Variants in MYO1E observed in about 807,000 individuals in gnomAD.
MYO1E encodes unconventional myosin-Ie.
A neutral mutation model predicts 151.1 loss-of-function variants in MYO1E; 68 were observed. The observed-to-expected ratio is 0.45, with a 90% CI of 0.37 to 0.55. The LOEUF (loss-of-function observed/expected upper bound fraction) is 0.55, where lower values mean the gene tolerates loss of function less well. MYO1E is among the 20% of genes least tolerant of loss of function. The pLI, the probability that MYO1E is intolerant of heterozygous loss-of-function variation, is 0.00. For missense variants in MYO1E, 1,363 were observed against 1,389.3 expected (o/e 0.98, Z 0.30); for synonymous variants, 601 against 501.7 (o/e 1.20, Z -2.64).
intron 26 of MYO1E, among the ~76,000 whole-genome samples, chr15:59,143,221 C>T (rs2079421416): frequency 6.6e-6 from 1 of 152,160 alleles, no homozygotes; most frequent in Non-Finnish European, 1.5e-5. Context: ...CAGTGTAAGC[C>T]ATTTGGCCCT....
At chr15:59,179,815 A>C (rs924378141) in intron 18 of MYO1E, among the ~76,000 whole-genome samples, 2 of 152,260 alleles carry the variant, frequency 1.3e-5, no homozygotes, top group Non-Finnish European at 2.9e-5. Flanking sequence ...TGATATAATC[A>C]AGGAGAGACA....
At position 59,372,871 on chromosome 15, in the gene MYO1E, C is replaced by T. The variant is rs561168197; in HGVS notation, c.-371G>A. On this transcript the variant is annotated 5_prime_UTR_variant, in exon 1 of 28. Transcript: ENST00000288235. The stretch of plus-strand genomic sequence containing the variant: ...AATCCGTACTCCTCTGGCTGAGTCT[C>T]GGCTCGGGCCGGGCAATCTGTCCAT... 3.9e-4 allele frequency: 122 copies of T among 310,338 alleles called. No individual in the cohort carries two copies. Among genetic ancestry groups the T allele is most frequent in the African/African-American group, 1.3e-3 (58 of 45,562 alleles). 19.2% of individuals were successfully genotyped at this position (310,338 alleles called of 1,614,324 possible).
chr15:59,342,195 G>A (rs958707559), intron 1 of MYO1E, among the ~76,000 whole-genome samples: 3 of 152,120 alleles, frequency 2.0e-5, no homozygotes, highest in African/African-American at 7.2e-5. Flanking sequence ...AATGTCTATT[G>A]ATATCTTTTG....
intron 26 of MYO1E, among the ~76,000 whole-genome samples, chr15:59,143,099 G>C (rs946177364): frequency 1.3e-5 from 2 of 152,186 alleles, no homozygotes; most frequent in Non-Finnish European, 2.9e-5. Context: ...CAAGGCATCA[G>C]AGGCTACTTC....
At chr15:59,262,845 TC>T (rs2080232090) in intron 2 of MYO1E, among the ~76,000 whole-genome samples, 1 of 152,166 alleles carries the variant, frequency 6.6e-6, no homozygotes. Flanking sequence ...AGACTTATGA[TC>T]ACATGAAAAA....
chr15:59,368,215 T>C (rs962008374), intron 1 of MYO1E, among the ~76,000 whole-genome samples: 1 of 152,232 alleles, frequency 6.6e-6, no homozygotes, highest in Non-Finnish European at 1.5e-5. Context: ...ATGGTCGATA[T>C]AACCATGGCC....
At chr15:59,323,752 G>T (rs1270349045) in intron 1 of MYO1E, among the ~76,000 whole-genome samples, 2 of 152,154 alleles carry the variant, frequency 1.3e-5, no homozygotes, top group Non-Finnish European at 2.9e-5. Flanking sequence ...CAGGGCCCCA[G>T]CACACTGGAG....
At position 59,202,315 on chromosome 15, in the gene MYO1E, A is replaced by C; in HGVS notation, c.1698+11T>G. ...TATAAGAATCTATAAACTTCCTAAA[A>C]TAGAACTAACCTTTATTTTGCTTCC... On this transcript the variant is annotated intron_variant, in intron 16 of 27. Transcript: ENST00000288235. The C allele has an allele frequency of 6.2e-6, 10 of 1,611,412 alleles. No individual in the cohort carries two copies. The highest frequency in any genetic ancestry group is 8.5e-6 in the Non-Finnish European group (10 of 1,177,564).
At chr15:59,348,517 G>A (rs1346586106) in intron 1 of MYO1E, 1 of 152,130 alleles carries the variant, frequency 6.6e-6, no homozygotes, top group Non-Finnish European at 1.5e-5. Context: ...GAATCCTTTT[G>A]GTCTAGGATG....
intron 26 of MYO1E, among the ~76,000 whole-genome samples, chr15:59,138,622 A>G (rs2079388570): frequency 6.6e-6 from 1 of 152,226 alleles, no homozygotes; most frequent in African/African-American, 2.4e-5. Flanking sequence ...ATAGAAGGAA[A>G]TGTGGGAGAC....
intron 18 of MYO1E, among the ~76,000 whole-genome samples, chr15:59,182,307 G>A (rs1443191430): frequency 6.6e-6 from 1 of 152,090 alleles, no homozygotes; most frequent in African/African-American, 2.4e-5. Flanking sequence ...GCGCCTCCCG[G>A]GTTCAAGCGA....
rs1252773886 is a variant in MYO1E at position 59,136,656 on chromosome 15, A to G, written c.*724T>C. ...GTTTTTATAAATGTACAGCTTGAAAAAAGATCCTTCTTGTAGTAAGTACAG... is the reference window on the plus strand; with the variant it reads ...GTTTTTATAAATGTACAGCTTGAAAGAAGATCCTTCTTGTAGTAAGTACAG... On this transcript the variant is annotated 3_prime_UTR_variant, in exon 28 of 28. Transcript: ENST00000288235. The G allele has an allele frequency of 2.2e-6, 1 of 456,170 alleles. No homozygotes were observed. Among genetic ancestry groups the G allele is most frequent in the Non-Finnish European group, 4.4e-6 (1 of 226,558 alleles). The allele number at this position is 456,170 out of a possible 1,614,324, so 28.3% of individuals were successfully genotyped here. A position where few individuals can be genotyped will look rare whatever the true frequency, so the allele number is the denominator to read the frequency against.
rs2080449188 is a variant in MYO1E at position 59,296,504 on chromosome 15, G to T, written c.4-24055C>A. 2.0e-5 allele frequency among the ~76,000 whole-genome samples: 3 copies of T among 152,172 alleles called. No homozygotes were observed. The South Asian group carries it at 6.2e-4, about 31-fold the overall frequency. ...TCCTACCAACACAGGCCAGCATGAA[G>T]GCCTAGGGAGAACAGCTCATTTGCC... is the stretch of plus-strand genomic sequence containing the variant. On this transcript the variant is annotated intron_variant, in intron 1 of 27. Transcript: ENST00000288235.
At chr15:59,139,803 ATTACTCTGCAGAC>A (rs1207053223) in intron 26 of MYO1E, among the ~76,000 whole-genome samples, 2 of 148,996 alleles carry the variant, frequency 1.3e-5, no homozygotes, top group African/African-American at 5.0e-5. Context: ...CCTGCTCATT[ATTACTCTGCAGAC>A]TTCCCTCATA....
intron 1 of MYO1E, among the ~76,000 whole-genome samples, chr15:59,343,526 T>C (rs1337744982): frequency 1.3e-5 from 2 of 152,194 alleles, no homozygotes; most frequent in Non-Finnish European, 2.9e-5. Flanking sequence ...TCTATAACCT[T>C]CTTGTACTTA....
At chr15:59,142,751 G>C (rs2079417989) in intron 26 of MYO1E, among the ~76,000 whole-genome samples, 1 of 151,992 alleles carries the variant, frequency 6.6e-6, no homozygotes, top group African/African-American at 2.4e-5. Flanking sequence ...CTTTCTTCAT[G>C]AGCCCTGGTT....
At chr15:59,163,034 G>A in intron 23 of MYO1E, 123 bp downstream of exon 23, 1 of 1,129,142 alleles carries the variant, frequency 8.9e-7, no homozygotes, top group Non-Finnish European at 1.3e-6. Flanking sequence ...GGTTCCACTG[G>A]GGCCAGCCAG....
chr15:59,365,677 A>G (rs2080908894), intron 1 of MYO1E, among the ~76,000 whole-genome samples: 1 of 152,226 alleles, frequency 6.6e-6, no homozygotes, highest in South Asian at 2.1e-4. Context: ...ACTTTCTATA[A>G]TGTAACGTAT....
intron 1 of MYO1E, among the ~76,000 whole-genome samples, chr15:59,312,072 G>T (rs764281597): frequency 6.6e-6 from 1 of 152,096 alleles, no homozygotes; most frequent in South Asian, 2.1e-4. Context: ...ACAACACTCA[G>T]CAATATATTT....
Sources: gnomAD v4.1 joint callset for allele counts (sites outside exome capture counted in the v4.1 genomes callset) on GRCh38, gnomAD v4.1.1 for gene constraint, MANE v1.5 for transcripts, NCBI Gene and HGNC (gene_info 2026-07-23, HGNC 2026-07-21) for gene names.